The following LIMCH1 variants were observed in gnomAD, a reference collection of about 807,000 sequenced individuals.
LIMCH1 encodes the protein LIM and calponin homology domains 1.
LIMCH1 carries 113 observed loss-of-function variants against 176.5 expected under a neutral mutation model. That is an observed-to-expected ratio of 0.64 (90% CI 0.55 to 0.75). The LOEUF is 0.75. Ranked by LOEUF, LIMCH1 falls within the 30% of genes least tolerant of loss-of-function variation. LIMCH1 has a pLI of 0.00. For synonymous variants in LIMCH1, 619 were observed against 645.9 expected, an observed-to-expected ratio of 0.96 and a Z score of 0.63; for missense variants, 1,674 against 1,814.9, an observed-to-expected ratio of 0.92 and a Z score of 1.41.
At chr4:41,633,895 C>A in intron 13 of LIMCH1, 87 bp downstream of exon 13, 1 of 1,355,258 alleles carries the variant, frequency 7.4e-7, no homozygotes, top group Non-Finnish European at 9.9e-7. Flanking sequence ...CACCTCAGTG[C>A]CGCTTACCTG....
At chr4:41,427,611 G>A (rs1025060292) in intron 1 of LIMCH1, among the ~76,000 whole-genome samples, 1 of 152,182 alleles carries the variant, frequency 6.6e-6, no homozygotes, top group Admixed American at 6.5e-5. Flanking sequence ...GCTGTGGCCT[G>A]TTCCAAAACA....
At chr4:41,435,525 C>G (rs951596119) in intron 1 of LIMCH1, among the ~76,000 whole-genome samples, 12 of 152,144 alleles carry the variant, frequency 7.9e-5, no homozygotes, top group African/African-American at 2.9e-4. Flanking sequence ...ACTAATACAC[C>G]CTTCTTGTCC....
chr4:41,371,973 C>T (rs1207713977), intron 1 of LIMCH1, among the ~76,000 whole-genome samples: 2 of 152,166 alleles, frequency 1.3e-5, no homozygotes, highest in East Asian at 1.9e-4. Flanking sequence ...TTTATTAACA[C>T]TTGCGTATTT....
intron 1 of LIMCH1, among the ~76,000 whole-genome samples, chr4:41,463,186 T>C (rs2065627266): frequency 6.6e-6 from 1 of 151,900 alleles, no homozygotes; most frequent in African/African-American, 2.4e-5. Context: ...AAAAAAACTC[T>C]GAAGTTCTTT....
chr4:41,485,544 T>C (rs2069367706), intron 1 of LIMCH1, among the ~76,000 whole-genome samples: 1 of 152,182 alleles, frequency 6.6e-6, no homozygotes, highest in South Asian at 2.1e-4. Context: ...TAAGTACTTC[T>C]GAGGGTCCCC....
At chr4:41,648,897 T>TA (rs376535330) in intron 17 of LIMCH1, among the ~76,000 whole-genome samples, 20 of 151,102 alleles carry the variant, frequency 1.3e-4, no homozygotes, top group African/African-American at 3.7e-4. Context: ...TAGAATATAA[T>TA]AAAAAAACAT....
At chr4:41,692,247 T>C in intron 30 of LIMCH1, 35 bp from the exon 31 acceptor site, 3 of 1,199,162 alleles carry the variant, frequency 2.5e-6, no homozygotes, top group Non-Finnish European at 3.7e-6. Flanking sequence ...CAATTCCTTA[T>C]GCATCTTATG....
intron 1 of LIMCH1, among the ~76,000 whole-genome samples, chr4:41,596,399 C>T (rs1290760864): frequency 6.6e-6 from 1 of 151,958 alleles, no homozygotes; most frequent in Non-Finnish European, 1.5e-5. Flanking sequence ...GTAAGACTGG[C>T]ATGGTTTGCA....
chr4:41,685,009 G>A (rs1488282125), intron 27 of LIMCH1, among the ~76,000 whole-genome samples: 1 of 152,088 alleles, frequency 6.6e-6, no homozygotes. Flanking sequence ...TCGCAAAAAT[G>A]ATCAAATTCT....
rs574820011 is a variant in LIMCH1, at chr4:41,600,494, A to AT, written c.-134+1477dup. 6.0e-3 allele frequency among the ~76,000 whole-genome samples: 906 copies of AT among 151,310 alleles called. 1 individual carries two copies. The highest frequency in any genetic ancestry group is 0.012 in the South Asian group (56 of 4,780). On this transcript the variant is annotated intron_variant, in intron 2 of 31. Coordinates refer to ENST00000503057, the MANE Select transcript of LIMCH1 (RefSeq NM_001330672.2). ...TTTGAAAGTGTCTGCAGCTGCATTC[A>AT]TTTTTTTTTAGAGCCACTTTAAATC...
chr4:41,591,781 A>G (rs2087618260), intron 1 of LIMCH1, among the ~76,000 whole-genome samples: 1 of 152,158 alleles, frequency 6.6e-6, no homozygotes, highest in Non-Finnish European at 1.5e-5. Context: ...GTGAACGCAA[A>G]TCCATGATCA....
rs544579506 is a variant in LIMCH1, at chr4:41,444,620, A to G, written c.97-49916A>G. ...ATCACAGTGGTCTTTCCCTTCCCAA[A>G]TAACTGTGAGAACAAAAGTGCCAAT... On this transcript the variant is annotated intron_variant, in intron 1 of 26. Transcript: ENST00000313860. Among the ~76,000 whole-genome samples the G allele has an allele frequency of 1.6e-4, 24 of 152,214 alleles. No homozygotes were observed. In the South Asian group the frequency reaches 4.8e-3, roughly 30 times the overall value.
intron 1 of LIMCH1, among the ~76,000 whole-genome samples, chr4:41,482,323 G>C (rs754449495): frequency 1.4e-4 from 22 of 152,210 alleles, no homozygotes; most frequent in Non-Finnish European, 2.6e-4. Flanking sequence ...CGGGGAAGGA[G>C]GTAGGGGTGG....
At chr4:41,665,561 T>C (rs1336226632) in intron 20 of LIMCH1, among the ~76,000 whole-genome samples, 1 of 152,188 alleles carries the variant, frequency 6.6e-6, no homozygotes, top group Non-Finnish European at 1.5e-5. Context: ...GGGATCAGCA[T>C]ATGATGAAAC....
intron 17 of LIMCH1, among the ~76,000 whole-genome samples, chr4:41,648,139 TAATG>T (rs1392022289): frequency 1.3e-5 from 2 of 152,238 alleles, no homozygotes; most frequent in African/African-American, 4.8e-5. Context: ...GGGCCTATGA[TAATG>T]AATGGCTATG....
intron 1 of LIMCH1, among the ~76,000 whole-genome samples, chr4:41,367,738 G>T (rs1023813878): frequency 6.7e-6 from 1 of 150,302 alleles, no homozygotes; most frequent in Non-Finnish European, 1.5e-5. Context: ...GTGGTGGCAG[G>T]CACCTGTAGT....
At chr4:41,436,798 T>A (rs1347175053) in intron 1 of LIMCH1, among the ~76,000 whole-genome samples, 3 of 148,094 alleles carry the variant, frequency 2.0e-5, no homozygotes, top group Non-Finnish European at 4.5e-5. Flanking sequence ...ATGGAGCTGG[T>A]TGAAAAAAAA....
intron 13 of LIMCH1, among the ~76,000 whole-genome samples, chr4:41,634,377 A>C (rs577978739): frequency 6.6e-6 from 1 of 152,270 alleles, no homozygotes; most frequent in South Asian, 2.1e-4. Context: ...ATTTTTGTTA[A>C]ATGTATGGTA....
At chr4:41,491,961 G>A (rs1460365487) in intron 1 of LIMCH1, among the ~76,000 whole-genome samples, 5 of 152,120 alleles carry the variant, frequency 3.3e-5, no homozygotes, top group Non-Finnish European at 5.9e-5. Context: ...CCAGACGATG[G>A]GCGGCCAGGC....
Sources: allele counts gnomAD v4.1 joint callset (sites outside exome capture counted in the v4.1 genomes callset), GRCh38; gene constraint gnomAD v4.1.1; transcripts MANE v1.5; gene names NCBI Gene and HGNC (gene_info 2026-07-23, HGNC 2026-07-21).